TMEM119: variants seen among roughly 807,000 people sequenced by gnomAD.
The protein encoded by TMEM119 is osteoblast induction factor.
For missense variants in TMEM119, 410 were observed against 381.0 expected, an observed-to-expected ratio of 1.08 and a Z score of -0.63; for synonymous variants, 182 against 176.4, an observed-to-expected ratio of 1.03 and a Z score of -0.25.
chr12:108,594,865 C>T (rs947128373), intron 1 of TMEM119, among the ~76,000 whole-genome samples: 3 of 152,010 alleles, frequency 2.0e-5, no homozygotes, highest in Admixed American at 6.6e-5. Flanking sequence ...CCAGCCTGGG[C>T]AACATAAGGA....
chr12:108,593,376 G>A (rs573274896), intron 1 of TMEM119, among the ~76,000 whole-genome samples: 12 of 152,144 alleles, frequency 7.9e-5, no homozygotes, highest in South Asian at 4.2e-4. Context: ...CCTGGGAGGC[G>A]GAGGTTGCAG....
In TMEM119 at chr12:108,591,941, CG is replaced by C. The variant is rs1565881915; in HGVS notation, c.442del (p.Arg148GlyfsTer112). On this transcript the variant is annotated frameshift_variant, in exon 2 of 2. Coordinates refer to ENST00000392806, the MANE Select transcript of TMEM119 (RefSeq NM_181724.3). LOFTEE classifies it low-confidence loss of function (END_TRUNC). This position sits in a 1 kb window ranked among gnomAD's most constrained non-coding sequence, Gnocchi z 4.2. The stretch of plus-strand genomic sequence containing the variant: ...TCTGTCGGGGACCTCACTGAAGGCC[CG>C]GGGGCCCCCGGCCCGGTCACTCTGG... ...VDQSDRAGGP[R>X]AFSEVPDRAP... is the part of the protein sequence containing the mutation. 6 of 1,612,342 alleles carry C rather than the reference CG, an allele frequency of 3.7e-6. No homozygotes were observed. Among genetic ancestry groups the C allele is most frequent in the Admixed American group, 1.7e-5 (1 of 59,852 alleles).
At chr12:108,593,079 G>A (rs970726163) in intron 1 of TMEM119, among the ~76,000 whole-genome samples, 2 of 152,148 alleles carry the variant, frequency 1.3e-5, no homozygotes, top group South Asian at 2.1e-4. Flanking sequence ...GTGGCTCCGC[G>A]CGGCCACAAC....
rs1190675961 is a variant in TMEM119, at chr12:108,592,869, G to C, written c.-14-472C>G. On this transcript the variant is annotated intron_variant, in intron 1 of 1. Transcript: ENST00000392806. The surrounding 1 kb of genome is among the most constrained non-coding windows in gnomAD (Gnocchi z 4.3). Reference sequence around the variant, plus strand: ...CTGAGAGGGACGTGGTGACTTGCCAGGGAAGAGCTGGGTCTGGATCCAAGC... The same window carrying C: ...CTGAGAGGGACGTGGTGACTTGCCACGGAAGAGCTGGGTCTGGATCCAAGC... Among the ~76,000 whole-genome samples, 1 of 152,058 alleles carries C rather than the reference G, an allele frequency of 6.6e-6. No individual in the cohort carries two copies. Among genetic ancestry groups the C allele is most frequent in the Non-Finnish European group, 1.5e-5 (1 of 68,014 alleles).
At position 108,592,019 on chromosome 12, in the gene TMEM119, T is replaced by C; in HGVS notation, c.365A>G (p.Gln122Arg). The change falls in exon 2 of 2, where the codon CAG (glutamine) becomes CGG (arginine). Residue 122 changes from glutamine (Q) to arginine (R), a missense_variant. Coordinates refer to ENST00000392806, the MANE Select transcript of TMEM119 (RefSeq NM_181724.3). The surrounding 1 kb of genome is among the most constrained non-coding windows in gnomAD (Gnocchi z 4.3). ...CGATGGGTAATAGGCCGAGGCCTTC[T>C]GCTTCTGCCGGGTGATGACCGCGGC... ...VCAAVITRQK[Q>R]KASAYYPSSF... 1 of 1,614,140 alleles carries C rather than the reference T, an allele frequency of 6.2e-7. No homozygotes were observed.
chr12:108,597,168 C>T (rs1440136263), intron 1 of TMEM119, among the ~76,000 whole-genome samples: 3 of 152,166 alleles, frequency 2.0e-5, no homozygotes, highest in Admixed American at 1.3e-4. Context: ...GTGGCAAATG[C>T]CCTAAGATGG....
rs1391997542 is a variant in TMEM119, at chr12:108,590,349, G to C, written c.*1183C>G. 5.9e-5 allele frequency: 9 copies of C among 152,322 alleles called. No homozygotes were observed. Among genetic ancestry groups the C allele is most frequent in the East Asian group, 1.9e-4 (1 of 5,184 alleles). 9.4% of individuals were successfully genotyped at this position (152,322 alleles called of 1,614,324 possible). A position where few individuals can be genotyped will look rare whatever the true frequency, so the allele number is the denominator to read the frequency against. On this transcript the variant is annotated 3_prime_UTR_variant, in exon 2 of 2. Transcript: ENST00000392806. ...AGGGGGCCACCTTCAGGAAAATTAA[G>C]AGCAGTATTTTCCAGAGTGGGTGCT...
In TMEM119 at chr12:108,592,267, C is replaced by T. The variant is rs757236061; in HGVS notation, c.117G>A (p.Ala39=). The change falls in exon 2 of 2, where the codon GCG becomes GCA. Residue 39 remains alanine (A), a synonymous_variant. Transcript: ENST00000392806. This position sits in a 1 kb window ranked among gnomAD's most constrained non-coding sequence, Gnocchi z 4.3. ...ACGAGCCCTCGGCCTCCCCACTACCCGCCACATCCTCCAGGAACGTGGCCT... is the reference window on the plus strand; with the variant it reads ...ACGAGCCCTCGGCCTCCCCACTACCTGCCACATCCTCCAGGAACGTGGCCT... ...PLKATFLEDV[A]GSGEAEGSSA... 51 of 1,608,824 alleles carry T rather than the reference C, an allele frequency of 3.2e-5. No individual in the cohort carries two copies. The highest frequency in any genetic ancestry group is 1.8e-4 in the Middle Eastern group (1 of 5,698).
In TMEM119 at chr12:108,592,105, C is replaced by T. The variant is rs1423602678; in HGVS notation, c.279G>A (p.Gln93=). 3 of 1,614,074 alleles carry T rather than the reference C, an allele frequency of 1.9e-6. No homozygotes were observed. In the Admixed American group the frequency reaches 5.0e-5, roughly 27 times the overall value. ...FLDGIVDFFR[Q]YVMLIAVVGS... ...CCACCACAGCAATCAGCATCACGTA[C>T]TGGCGGAAGAAGTCCACTATCCCAT... The change falls in exon 2 of 2, where the codon CAG becomes CAA. Residue 93 remains glutamine, a synonymous_variant. Transcript: ENST00000392806. The surrounding 1 kb of genome is among the most constrained non-coding windows in gnomAD (Gnocchi z 4.3).
rs369067757 is a variant in TMEM119 at position 108,592,392 on chromosome 12, C to T, written c.-9G>A. The T allele has an allele frequency of 9.1e-5, 140 of 1,543,980 alleles. No homozygotes were observed. Among genetic ancestry groups the T allele is most frequent in the Non-Finnish European group, 1.2e-4 (137 of 1,151,830 alleles). The stretch of plus-strand genomic sequence containing the variant: ...GCTGCCGCCGAAACCATGGTGCCCC[C>T]AGGACCTGTGAGACAGGAGGGAGGA... On this transcript the variant is annotated 5_prime_UTR_variant, in exon 2 of 2. Coordinates refer to ENST00000392806, the MANE Select transcript of TMEM119 (RefSeq NM_181724.3). The surrounding 1 kb of genome is among the most constrained non-coding windows in gnomAD (Gnocchi z 4.3).
rs371159772 is a variant in TMEM119 at position 108,595,312 on chromosome 12, CCACA to C, written c.-15+2654_-15+2657del. Among the ~76,000 whole-genome samples the C allele has an allele frequency of 1.4e-3, 202 of 149,232 alleles. 1 individual carries two copies. The highest frequency in any genetic ancestry group is 4.4e-3 in the African/African-American group (177 of 40,606). On this transcript the variant is annotated intron_variant, in intron 1 of 1. Transcript: ENST00000392806. The stretch of plus-strand genomic sequence containing the variant: ...CCCCACACATAATCATGCACACACG[CCACA>C]CACACACACACCCATATACACACAT...
rs2031393360 is a variant in TMEM119, at chr12:108,591,449, A to T, written c.*83T>A. 1 of 1,443,846 alleles carries T rather than the reference A, an allele frequency of 6.9e-7. No individual in the cohort carries two copies. The highest frequency in any genetic ancestry group is 1.4e-5 in the African/African-American group (1 of 70,332). The allele number at this position is 1,443,846 out of a possible 1,614,324, so 89.4% of individuals were successfully genotyped here. ...GGCCAAGGAGGGAGTGTCAGGAAGC[A>T]GTCAGGGCTGAAGGCCTTTTCATAC... On this transcript the variant is annotated 3_prime_UTR_variant, in exon 2 of 2. Coordinates refer to ENST00000392806, the MANE Select transcript of TMEM119 (RefSeq NM_181724.3). The surrounding 1 kb of genome is among the most constrained non-coding windows in gnomAD (Gnocchi z 4.2).
chr12:108,591,846 T>G lies in TMEM119; in HGVS notation c.538A>C (p.Thr180Pro). 6.2e-7 allele frequency: 1 copy of G among 1,603,780 alleles called. No individual in the cohort carries two copies. The highest frequency in any genetic ancestry group is 8.5e-7 in the Non-Finnish European group (1 of 1,175,474). The change falls in exon 2 of 2, where the codon ACC becomes CCC. Residue 180 changes from threonine (T) to proline (P), a missense_variant. By Grantham distance (38) the Thr-to-Pro change is conservative. Coordinates refer to ENST00000392806, the MANE Select transcript of TMEM119 (RefSeq NM_181724.3). This position sits in a 1 kb window ranked among gnomAD's most constrained non-coding sequence, Gnocchi z 4.2. ...CTGGTGGGGGACTTGAGGTTCTGGG[T>G]GGCGGCCAAGATGTCGGCCTGGAGC... is the stretch of plus-strand genomic sequence containing the variant. ...RQLQADILAA[T>P]QNLKSPTRAA... is the part of the protein sequence containing the mutation.
In TMEM119 at chr12:108,592,332, C is replaced by A; in HGVS notation, c.52G>T (p.Gly18Trp). ...CGGGCGTCGGTAGCAGGCACAGACC[C>A]CAGGAGCAGCAACAGAAGGATGAGG... is the stretch of plus-strand genomic sequence containing the variant. Reference protein sequence around the residue: ...SLLILLLLLLGSVPATDARSV... With the variant: ...SLLILLLLLLWSVPATDARSV... Residue 18 changes from glycine (G) to tryptophan (W), a missense_variant, in exon 2 of 2, where the codon GGG becomes TGG. Coordinates refer to ENST00000392806, the MANE Select transcript of TMEM119 (RefSeq NM_181724.3). The surrounding 1 kb of genome is among the most constrained non-coding windows in gnomAD (Gnocchi z 4.3). The A allele has an allele frequency of 6.3e-7, 1 of 1,590,120 alleles. No homozygotes were observed.
Position 108,592,026 on chromosome 12 carries a change from G to C in TMEM119, c.358C>G (p.Gln120Glu). Residue 120 changes from glutamine to glutamate, a missense_variant, in exon 2 of 2, where the codon CAG (glutamine) becomes GAG (glutamate). Gln to Glu is a conservative substitution (Grantham distance 29). Coordinates refer to ENST00000392806, the MANE Select transcript of TMEM119 (RefSeq NM_181724.3). This position sits in a 1 kb window ranked among gnomAD's most constrained non-coding sequence, Gnocchi z 4.3. ...TAATAGGCCGAGGCCTTCTGCTTCTGCCGGGTGATGACCGCGGCACAGACG... is the reference window on the plus strand; with the variant it reads ...TAATAGGCCGAGGCCTTCTGCTTCTCCCGGGTGATGACCGCGGCACAGACG... Reference protein sequence around the residue: ...FIVCAAVITRQKQKASAYYPS... With the variant: ...FIVCAAVITREKQKASAYYPS... 6.2e-7 allele frequency: 1 copy of C among 1,614,168 alleles called. No homozygotes were observed. The highest frequency in any genetic ancestry group is 8.5e-7 in the Non-Finnish European group (1 of 1,180,004).
intron 1 of TMEM119, among the ~76,000 whole-genome samples, chr12:108,595,209 C>CAT (rs2031483272): frequency 6.6e-6 from 1 of 151,946 alleles, no homozygotes; most frequent in African/African-American, 2.4e-5. Flanking sequence ...CATACACAGC[C>CAT]ATACATACAC....
chr12:108,595,548 T>G (rs2031491709), intron 1 of TMEM119, among the ~76,000 whole-genome samples: 2 of 144,500 alleles, frequency 1.4e-5, no homozygotes, highest in African/African-American at 5.2e-5. Context: ...CGTACACACA[T>G]GCCCCACACA....
Position 108,591,926 on chromosome 12 carries a change from A to T in TMEM119, c.458T>A (p.Val153Asp). The part of the protein sequence containing the change: ...RAGGPRAFSE[V>D]PDRAPDSRPE... The stretch of plus-strand genomic sequence containing the variant: ...CCTGCTGTCGGGGGCTCTGTCGGGG[A>T]CCTCACTGAAGGCCCGGGGGCCCCC... Residue 153 changes from valine to aspartate, a missense_variant, in exon 2 of 2, where the codon GTC (valine) becomes GAC (aspartate). Transcript: ENST00000392806. This position sits in a 1 kb window ranked among gnomAD's most constrained non-coding sequence, Gnocchi z 4.2. The T allele has an allele frequency of 6.2e-7, 1 of 1,611,464 alleles. No individual in the cohort carries two copies. The highest frequency in any genetic ancestry group is 8.5e-7 in the Non-Finnish European group (1 of 1,179,286).
In TMEM119 at chr12:108,591,635, T is replaced by C; in HGVS notation, c.749A>G (p.Gln250Arg). ...CAAGAGAGACCCTTCCAGCTCCCCT[T>C]GGCCCTCACCGGCCACCACAGCCCC... ...LEGAVVAGEG[Q>R]GELEGSLLLA... is the part of the protein sequence containing the mutation. Residue 250 changes from glutamine to arginine, a missense_variant, in exon 2 of 2, where the codon CAA (glutamine) becomes CGA (arginine). By Grantham distance (43) the Gln-to-Arg change is conservative (BLOSUM62 1). Coordinates refer to ENST00000392806, the MANE Select transcript of TMEM119 (RefSeq NM_181724.3). This position sits in a 1 kb window ranked among gnomAD's most constrained non-coding sequence, Gnocchi z 4.2. 6.2e-7 allele frequency: 1 copy of C among 1,613,980 alleles called. No individual in the cohort carries two copies. Among genetic ancestry groups the C allele is most frequent in the Non-Finnish European group, 8.5e-7 (1 of 1,179,970 alleles).
Sources: allele counts gnomAD v4.1 joint callset (sites outside exome capture counted in the v4.1 genomes callset), GRCh38; gene constraint gnomAD v4.1.1; non-coding constraint Gnocchi (gnomAD v3.1); transcripts MANE v1.5; gene names NCBI Gene and HGNC (gene_info 2026-07-23, HGNC 2026-07-21).